Variants in CADM1 observed in about 807,000 individuals in gnomAD.
The protein encoded by CADM1 is cell adhesion molecule 1.
In CADM1, 15 loss-of-function variants were observed where a neutral mutation model predicts 53.1. That is an observed-to-expected ratio of 0.28 (90% CI 0.19 to 0.44). The LOEUF (loss-of-function observed/expected upper bound fraction) is 0.44. Ranked by LOEUF, CADM1 falls within the 20% of genes least tolerant of loss-of-function variation. The probability of loss-of-function intolerance (pLI) is 1.00; values close to 1 mark genes in which losing one functional copy is unlikely to be tolerated. For missense variants in CADM1, 434 were observed against 611.3 expected, an observed-to-expected ratio of 0.71 and a Z score of 3.06; for synonymous variants, 281 against 243.0, an observed-to-expected ratio of 1.16 and a Z score of -1.45.
intron 3 of CADM1, among the ~76,000 whole-genome samples, chr11:115,231,852 G>A (rs773008988): frequency 5.9e-5 from 9 of 152,074 alleles, no homozygotes; most frequent in African/African-American, 1.9e-4. Flanking sequence ...CGGGCACGGC[G>A]GCACATGCCT....
chr11:115,390,012 G>A (rs536299109), intron 1 of CADM1, among the ~76,000 whole-genome samples: 3 of 152,096 alleles, frequency 2.0e-5, no homozygotes, highest in Admixed American at 6.5e-5. Context: ...GGAGACAGTC[G>A]TAAGTGGTAC....
intron 1 of CADM1, among the ~76,000 whole-genome samples, chr11:115,412,756 C>G (rs996249337): frequency 6.6e-6 from 1 of 152,142 alleles, no homozygotes; most frequent in Admixed American, 6.5e-5. Context: ...ATTAATCTAT[C>G]CTAAGCCAAT....
intron 1 of CADM1, among the ~76,000 whole-genome samples, chr11:115,424,385 G>A (rs1947834881): frequency 6.6e-6 from 1 of 152,112 alleles, no homozygotes; most frequent in African/African-American, 2.4e-5. Flanking sequence ...CACCCACAGA[G>A]GATATTTTGG....
chr11:115,432,138 G>A (rs1002749463), intron 1 of CADM1, among the ~76,000 whole-genome samples: 1 of 151,896 alleles, frequency 6.6e-6, no homozygotes. Context: ...GTAGAGATGG[G>A]GTTTCACCAT....
At chr11:115,477,542 A>C (rs1949162590) in intron 1 of CADM1, among the ~76,000 whole-genome samples, 1 of 152,220 alleles carries the variant, frequency 6.6e-6, no homozygotes, top group Admixed American at 6.5e-5. Flanking sequence ...AGTCTACCTC[A>C]CTTTGTAGCT....
intron 10 of CADM1, among the ~76,000 whole-genome samples, chr11:115,180,980 G>C (rs1939282887): frequency 6.6e-6 from 1 of 152,102 alleles, no homozygotes; most frequent in Non-Finnish European, 1.5e-5. Context: ...TTGAGGACAG[G>C]GGAAAGTTAG....
chr11:115,421,864 C>T (rs963605346), intron 1 of CADM1, among the ~76,000 whole-genome samples: 1 of 152,168 alleles, frequency 6.6e-6, no homozygotes, highest in South Asian at 2.1e-4. Context: ...CACGTCTCAA[C>T]AGATAAGACT....
chr11:115,346,318 A>G (rs1945576216), intron 1 of CADM1, among the ~76,000 whole-genome samples: 1 of 152,206 alleles, frequency 6.6e-6, no homozygotes, highest in Non-Finnish European at 1.5e-5. Context: ...GAATTGGATT[A>G]ACCTACTGGG....
intron 1 of CADM1, among the ~76,000 whole-genome samples, chr11:115,404,372 T>A (rs868454202): frequency 0.016 from 1,390 of 87,278 alleles, 56 homozygotes; most frequent in Non-Finnish European, 0.022. Flanking sequence ...TATATATATA[T>A]ATATATATAT....
intron 1 of CADM1, among the ~76,000 whole-genome samples, chr11:115,345,858 TTG>T (rs1157306133): frequency 6.6e-6 from 1 of 152,210 alleles, no homozygotes; most frequent in East Asian, 1.9e-4. Context: ...AAAATTATGT[TTG>T]TGTTTCAACT....
chr11:115,316,157 T>G (rs1374915547), intron 1 of CADM1, among the ~76,000 whole-genome samples: 1 of 152,176 alleles, frequency 6.6e-6, no homozygotes, highest in Non-Finnish European at 1.5e-5. Flanking sequence ...TTTAAAATGC[T>G]CAGTATGTAA....
chr11:115,293,295 T>C (rs1361334042), intron 1 of CADM1, among the ~76,000 whole-genome samples: 1 of 151,962 alleles, frequency 6.6e-6, no homozygotes, highest in Non-Finnish European at 1.5e-5. Context: ...TAGCTGGGCG[T>C]GGTGGCGGGC....
At position 115,176,201 on chromosome 11, in the gene CADM1, T is replaced by A; in HGVS notation, c.*273A>T. The A allele has an allele frequency of 8.2e-7, 1 of 1,217,214 alleles. No homozygotes were observed. Among genetic ancestry groups the A allele is most frequent in the South Asian group, 1.6e-5 (1 of 60,800 alleles). 75.4% of individuals were successfully genotyped at this position (1,217,214 alleles called of 1,614,324 possible). ...AGGCACAGAATTTTCTGCAATCTAC[T>A]GAAACTAAATCCAAGTATCCAAGTT... On this transcript the variant is annotated 3_prime_UTR_variant, in exon 12 of 12. Transcript: ENST00000331581.
intron 1 of CADM1, among the ~76,000 whole-genome samples, chr11:115,325,042 G>C (rs1471477923): frequency 1.3e-5 from 2 of 152,172 alleles, no homozygotes; most frequent in African/African-American, 4.8e-5. Context: ...CACGTAAATG[G>C]AAGGTTCGTT....
chr11:115,322,570 C>T (rs1944852329), intron 1 of CADM1, among the ~76,000 whole-genome samples: 2 of 152,126 alleles, frequency 1.3e-5, no homozygotes, highest in African/African-American at 2.4e-5. Context: ...ACTTCTGGTT[C>T]GCCTCTTATC....
chr11:115,266,588 A>G (rs1943147376), intron 1 of CADM1, among the ~76,000 whole-genome samples: 1 of 152,210 alleles, frequency 6.6e-6, no homozygotes, highest in Non-Finnish European at 1.5e-5. Context: ...CCAGCCAACA[A>G]ATAGCAATCT....
At chr11:115,302,173 G>C (rs982748034) in intron 1 of CADM1, among the ~76,000 whole-genome samples, 4 of 151,956 alleles carry the variant, frequency 2.6e-5, no homozygotes, top group African/African-American at 9.7e-5. Context: ...TGGAAGGAGG[G>C]AGCGTATCAG....
intron 1 of CADM1, among the ~76,000 whole-genome samples, chr11:115,427,490 A>G (rs1233729116): frequency 6.6e-6 from 1 of 152,134 alleles, no homozygotes; most frequent in Non-Finnish European, 1.5e-5. Context: ...TTATGCCTCT[A>G]TCTAGAAGTA....
At chr11:115,271,093 G>C (rs907192198) in intron 1 of CADM1, among the ~76,000 whole-genome samples, 1 of 152,130 alleles carries the variant, frequency 6.6e-6, no homozygotes, top group African/African-American at 2.4e-5. Flanking sequence ...GGACTGATGT[G>C]TTAATTCACT....
Sources: allele counts gnomAD v4.1 joint callset (sites outside exome capture counted in the v4.1 genomes callset), GRCh38; gene constraint gnomAD v4.1.1; transcripts MANE v1.5; gene names NCBI Gene and HGNC (gene_info 2026-07-23, HGNC 2026-07-21).